FBXO34: variants seen among roughly 807,000 people sequenced by gnomAD.
The protein encoded by FBXO34 is F-box only protein 34.
Under a neutral mutation model 24.5 loss-of-function variants are expected in FBXO34, and 12 were observed. The ratio of observed to expected loss-of-function variants is 0.49; its 90% CI spans 0.31 to 0.79. The LOEUF (loss-of-function observed/expected upper bound fraction) is 0.79. Ranked by LOEUF, FBXO34 falls within the 30% of genes least tolerant of loss-of-function variation. FBXO34 has a pLI of 0.04. For synonymous variants in FBXO34, 320 were observed against 311.9 expected (o/e 1.03, Z -0.27); for missense variants, 823 against 857.7 (o/e 0.96, Z 0.51).
the FBXO34 span, among the ~76,000 whole-genome samples, chr14:55,397,969 A>G: frequency 1.4e-3 from 152 of 109,094 alleles, no homozygotes; most frequent in Non-Finnish European, 1.1e-3. Flanking sequence ...TTTTTTTGAG[A>G]TGGAGTCTCA....
At chr14:55,389,423 T>C in the FBXO34 span, among the ~76,000 whole-genome samples, 2 of 152,244 alleles carry the variant, frequency 1.3e-5, no homozygotes, top group Non-Finnish European at 2.9e-5. Context: ...CTGTTCAGTG[T>C]GCTGCCCTAA....
chr14:55,312,377 G>A (rs530585668), intron 1 of FBXO34, among the ~76,000 whole-genome samples: 4 of 152,264 alleles, frequency 2.6e-5, no homozygotes, highest in Admixed American at 6.5e-5. Flanking sequence ...AGTATCTATG[G>A]CTTTTCTAGA....
At chr14:55,436,290 A>T in the FBXO34 span, among the ~76,000 whole-genome samples, 10,297 of 152,278 alleles carry the variant, frequency 0.068, 387 homozygotes, top group Non-Finnish European at 0.088. Flanking sequence ...TTCAGCAACT[A>T]CAGTGCTGTA....
At chr14:55,426,324 G>A in the FBXO34 span, among the ~76,000 whole-genome samples, 1 of 151,928 alleles carries the variant, frequency 6.6e-6, no homozygotes, top group Admixed American at 6.6e-5. Flanking sequence ...TGACAACTGT[G>A]GAAATGATTA....
downstream of FBXO34, among the ~76,000 whole-genome samples, chr14:55,363,179 C>G (rs1047987406): frequency 1.3e-5 from 2 of 148,588 alleles, no homozygotes; most frequent in African/African-American, 5.1e-5. Context: ...CACACCACCA[C>G]GCCTGGCTAA....
intron 1 of FBXO34, among the ~76,000 whole-genome samples, chr14:55,326,730 C>T (rs10134317): frequency 0.3 from 46,022 of 151,828 alleles, 7,272 homozygotes; most frequent in Non-Finnish European, 0.34. Flanking sequence ...TTTATGGATA[C>T]GATGATCAAA....
the FBXO34 span, among the ~76,000 whole-genome samples, chr14:55,420,984 C>T: frequency 1.4e-5 from 2 of 147,192 alleles, no homozygotes; most frequent in African/African-American, 4.9e-5. Flanking sequence ...TGGCGTGAAC[C>T]CGGGAGGCGG....
At chr14:55,307,834 T>C (rs1444288609) in intron 1 of FBXO34, among the ~76,000 whole-genome samples, 1 of 152,206 alleles carries the variant, frequency 6.6e-6, no homozygotes, top group East Asian at 1.9e-4. Context: ...ACCTTCATGC[T>C]CTCATATGAC....
At chr14:55,318,825 G>T (rs1237193416) in intron 1 of FBXO34, among the ~76,000 whole-genome samples, 2 of 152,080 alleles carry the variant, frequency 1.3e-5, no homozygotes, top group African/African-American at 4.8e-5. Context: ...GCTGGATCTG[G>T]TGACCTGGTC....
chr14:55,328,973 A>G (rs1263943576), intron 1 of FBXO34, among the ~76,000 whole-genome samples: 1 of 151,910 alleles, frequency 6.6e-6, no homozygotes, highest in African/African-American at 2.4e-5. Context: ...CTTCACAGAA[A>G]GTATAGTACA....
intron 1 of FBXO34, among the ~76,000 whole-genome samples, chr14:55,318,574 G>T (rs1447612975): frequency 6.7e-6 from 1 of 149,742 alleles, no homozygotes; most frequent in Non-Finnish European, 1.5e-5. Flanking sequence ...ATGTTACCCA[G>T]GGCTGGTCTC....
At chr14:55,428,628 CTGGGCACATG>C in the FBXO34 span, among the ~76,000 whole-genome samples, 2,788 of 151,856 alleles carry the variant, frequency 0.018, 65 homozygotes, top group African/African-American at 0.053. Flanking sequence ...TTTCAAAAGA[CTGGGCACATG>C]TGGTAACCTA....
Position 55,320,044 on chromosome 14 carries a change from A to T in FBXO34, c.-10-30337A>T, listed in dbSNP as rs528311624. ...TAAATCACCTTGAAAGGCATATTTA[A>T]CAAATCACCTTAAGTGAAAAAAAAA... is the stretch of plus-strand genomic sequence containing the variant. On this transcript the variant is annotated intron_variant, in intron 1 of 1. Transcript: ENST00000313833. 2.2e-4 allele frequency among the ~76,000 whole-genome samples: 33 copies of T among 152,182 alleles called. No individual in the cohort carries two copies. The South Asian group carries it at 5.8e-3, about 27-fold the overall frequency.
chr14:55,433,683 C>T, the FBXO34 span: 3 of 1,613,982 alleles, frequency 1.9e-6, no homozygotes, highest in East Asian at 4.5e-5. Context: ...GGGCTGTTGT[C>T]CTGGGCTCTC....
rs60593247 is a variant in FBXO34, at chr14:55,353,276, GT to G, written c.*762del. The G allele has an allele frequency of 0.45, 72,130 of 160,942 alleles. 15,640 individuals carry two copies. The highest frequency in any genetic ancestry group is 0.48 in the South Asian group (2,265 of 4,692). 10.0% of individuals were successfully genotyped at this position (160,942 alleles called of 1,614,324 possible). ...GATAGTGTTGCGGCTATAATTTTGT[GT>G]TTTTTTTTTTTAATTGTCTAGTCTT... On this transcript the variant is annotated 3_prime_UTR_variant, in exon 2 of 2. Coordinates refer to ENST00000313833, the MANE Select transcript of FBXO34 (RefSeq NM_017943.4).
chr14:55,425,028 G>A, the FBXO34 span, among the ~76,000 whole-genome samples: 1 of 152,188 alleles, frequency 6.6e-6, no homozygotes, highest in South Asian at 2.1e-4. Flanking sequence ...CCAAGCAATG[G>A]AACACTAGCA....
the FBXO34 span, among the ~76,000 whole-genome samples, chr14:55,412,672 C>T: frequency 6.6e-6 from 1 of 152,114 alleles, no homozygotes; most frequent in African/African-American, 2.4e-5. Flanking sequence ...ATTAAATAGA[C>T]CAGTGATTCT....
intron 1 of FBXO34, among the ~76,000 whole-genome samples, chr14:55,349,942 A>G (rs1447689685): frequency 6.6e-6 from 1 of 152,154 alleles, no homozygotes; most frequent in African/African-American, 2.4e-5. Context: ...TTTGCAACTA[A>G]TAAAATGCGA....
the FBXO34 span, among the ~76,000 whole-genome samples, chr14:55,409,194 A>C: frequency 6.6e-6 from 1 of 152,242 alleles, no homozygotes; most frequent in African/African-American, 2.4e-5. Context: ...GCAGAGAGGA[A>C]GAGAAAAAGA....
Sources: gnomAD v4.1 joint callset for allele counts (sites outside exome capture counted in the v4.1 genomes callset) on GRCh38, gnomAD v4.1.1 for gene constraint, MANE v1.5 for transcripts, NCBI Gene and HGNC (gene_info 2026-07-23, HGNC 2026-07-21) for gene names.